DPF3: variants seen among roughly 807,000 people sequenced by gnomAD.
DPF3 encodes the protein double PHD fingers 3.
Under a neutral mutation model 56.8 loss-of-function variants are expected in DPF3, and 18 were observed. The observed-to-expected ratio is 0.32, with a 90% CI of 0.22 to 0.47. The LOEUF (loss-of-function observed/expected upper bound fraction) is 0.47, where lower values mean the gene tolerates loss of function less well. Ranked by LOEUF, DPF3 falls within the 20% of genes least tolerant of loss-of-function variation. DPF3 has a pLI of 1.00. For missense variants in DPF3, 403 were observed against 488.8 expected, an observed-to-expected ratio of 0.82 and a Z score of 1.65; for synonymous variants, 188 against 180.2, an observed-to-expected ratio of 1.04 and a Z score of -0.35.
At chr14:72,827,772 G>T (rs150811939) in intron 1 of DPF3, among the ~76,000 whole-genome samples, 1 of 151,830 alleles carries the variant, frequency 6.6e-6, no homozygotes, top group African/African-American at 2.4e-5. Flanking sequence ...GAGCCACTGC[G>T]CCTGGCCCCC....
At position 72,646,838 on chromosome 14, in the gene DPF3, G is replaced by C. The variant is rs774584897; in HGVS notation, c.872-17102C>G. Among the ~76,000 whole-genome samples the C allele has an allele frequency of 2.0e-5, 3 of 152,186 alleles. No homozygotes were observed. The South Asian group carries it at 6.2e-4, about 32-fold the overall frequency. ...AACTTCAGAGTTCAGAAGAATTACC[G>C]GGAGAGATGTTTTAAACATGCAGAT... On this transcript the variant is annotated intron_variant, in intron 8 of 10. Transcript: ENST00000556509.
intron 6 of DPF3, among the ~76,000 whole-genome samples, chr14:72,702,452 T>C (rs1264175374): frequency 6.6e-6 from 1 of 152,050 alleles, no homozygotes; most frequent in Non-Finnish European, 1.5e-5. Flanking sequence ...GTCAGCACCT[T>C]CATCTTGCCC....
At chr14:72,620,317 T>C (rs185236531) in intron 9 of DPF3, among the ~76,000 whole-genome samples, 152 of 152,346 alleles carry the variant, frequency 1.0e-3, no homozygotes, top group African/African-American at 3.4e-3. Flanking sequence ...CCAATAGCTC[T>C]GCTTCCAAAG....
intron 1 of DPF3, among the ~76,000 whole-genome samples, chr14:72,795,821 G>T (rs948418066): frequency 1.3e-5 from 2 of 152,136 alleles, no homozygotes; most frequent in Non-Finnish European, 2.9e-5. Flanking sequence ...TTTACTTTCC[G>T]CAGAAAGAAG....
intron 8 of DPF3, among the ~76,000 whole-genome samples, chr14:72,664,387 T>C (rs546889690): frequency 1.2e-4 from 19 of 152,168 alleles, no homozygotes; most frequent in African/African-American, 4.6e-4. Context: ...ACCTAGAAAA[T>C]CATGCGTGAG....
intron 4 of DPF3, among the ~76,000 whole-genome samples, chr14:72,728,423 G>A (rs1889498413): frequency 6.6e-6 from 1 of 152,162 alleles, no homozygotes; most frequent in Admixed American, 6.5e-5. Flanking sequence ...GGCATGGAGG[G>A]AAGAAGGCTG....
chr14:72,710,614 C>T lies in DPF3; in HGVS notation c.604+3809G>A, dbSNP rs189123076. 1.1e-4 allele frequency among the ~76,000 whole-genome samples: 16 copies of T among 152,314 alleles called. No homozygotes were observed. The East Asian group carries it at 2.5e-3, about 24-fold the overall frequency. ...GCCTTCCCTCCAGTGATTCTGATAC[C>T]GGAGGTCTGATGTGGAGCCCAGGAG... On this transcript the variant is annotated intron_variant, in intron 6 of 10. Coordinates refer to ENST00000556509, the MANE Select transcript of DPF3 (RefSeq NM_001280542.3).
intron 1 of DPF3, among the ~76,000 whole-genome samples, chr14:72,797,745 G>A (rs1290286806): frequency 6.6e-6 from 1 of 152,124 alleles, no homozygotes; most frequent in Non-Finnish European, 1.5e-5. Context: ...AACATACAAC[G>A]TAGGATGTGG....
At chr14:72,685,174 T>C (rs1335519349) in intron 7 of DPF3, among the ~76,000 whole-genome samples, 1 of 152,214 alleles carries the variant, frequency 6.6e-6, no homozygotes, top group African/African-American at 2.4e-5. Context: ...TGCAGCATGA[T>C]GCATTAGACA....
intron 1 of DPF3, among the ~76,000 whole-genome samples, chr14:72,840,254 C>T (rs1276615286): frequency 1.3e-5 from 2 of 152,166 alleles, no homozygotes; most frequent in African/African-American, 4.8e-5. Context: ...AGGTAACTGA[C>T]CCATGTGGGG....
chr14:72,698,767 A>G (rs1888020543), intron 6 of DPF3, among the ~76,000 whole-genome samples: 1 of 152,212 alleles, frequency 6.6e-6, no homozygotes, highest in Non-Finnish European at 1.5e-5. Flanking sequence ...TCGACTTAGG[A>G]TATTTTCAAC....
At chr14:72,714,800 A>G (rs535280864) in intron 5 of DPF3, among the ~76,000 whole-genome samples, 20 of 151,892 alleles carry the variant, frequency 1.3e-4, no homozygotes, top group African/African-American at 3.9e-4. Context: ...AGCTTGCCCA[A>G]GGTCGTTCGG....
At chr14:72,679,045 A>G (rs965818296) in intron 7 of DPF3, among the ~76,000 whole-genome samples, 4 of 152,232 alleles carry the variant, frequency 2.6e-5, no homozygotes, top group Non-Finnish European at 5.9e-5. Flanking sequence ...GGGAAGCGAG[A>G]GCAGGCATTC....
intron 1 of DPF3, among the ~76,000 whole-genome samples, chr14:72,870,818 T>TA (rs1232986795): frequency 6.6e-6 from 1 of 152,158 alleles, no homozygotes; most frequent in Non-Finnish European, 1.5e-5. Flanking sequence ...CTCATGCCTA[T>TA]AATCCCAGCA....
intron 2 of DPF3, among the ~76,000 whole-genome samples, chr14:72,754,439 G>A (rs1387782458): frequency 6.6e-6 from 1 of 152,320 alleles, no homozygotes; most frequent in East Asian, 1.9e-4. Context: ...TCAGAACTGT[G>A]CCTGACACAG....
At chr14:72,758,224 A>G (rs148252534) in intron 2 of DPF3, among the ~76,000 whole-genome samples, 111 of 152,322 alleles carry the variant, frequency 7.3e-4, no homozygotes, top group Admixed American at 2.3e-3. Context: ...TAAAACCAAA[A>G]GAGAGGAAGA....
At chr14:72,824,551 C>CTTTTTTTTT (rs375498304) in intron 1 of DPF3, among the ~76,000 whole-genome samples, 12 of 143,234 alleles carry the variant, frequency 8.4e-5, no homozygotes, top group South Asian at 2.2e-4. Context: ...TTTTCTTTTT[C>CTTTTTTTTT]TTTTTTTTTT....
At chr14:72,858,844 T>G (rs1314275470) in intron 1 of DPF3, among the ~76,000 whole-genome samples, 1 of 152,248 alleles carries the variant, frequency 6.6e-6, no homozygotes, top group Non-Finnish European at 1.5e-5. Flanking sequence ...ATAATTTTGC[T>G]CTCATCTTTT....
At chr14:72,819,592 T>C (rs4903067) in intron 1 of DPF3, among the ~76,000 whole-genome samples, 47,229 of 152,006 alleles carry the variant, frequency 0.31, 7,406 homozygotes, top group East Asian at 0.4. Flanking sequence ...CACAACAATG[T>C]GGATAAGACT....
Sources: gnomAD v4.1 joint callset for allele counts (sites outside exome capture counted in the v4.1 genomes callset) on GRCh38, gnomAD v4.1.1 for gene constraint, MANE v1.5 for transcripts, NCBI Gene and HGNC (gene_info 2026-07-23, HGNC 2026-07-21) for gene names.